The following SPTLC2 variants were observed in gnomAD, a reference collection of about 807,000 sequenced individuals.
The protein encoded by SPTLC2 is serine palmitoyltransferase long chain base subunit 2.
In SPTLC2, 21 loss-of-function variants were observed where a neutral mutation model predicts 62.0. The ratio of observed to expected loss-of-function variants is 0.34; its 90% CI spans 0.24 to 0.49. The LOEUF (loss-of-function observed/expected upper bound fraction) is 0.49. SPTLC2 is among the 20% of genes least tolerant of loss of function. SPTLC2 has a pLI of 0.99. For synonymous variants in SPTLC2, 261 were observed against 261.8 expected (o/e 1.00, Z 0.03); for missense variants, 511 against 713.0 (o/e 0.72, Z 3.23).
chr14:77,589,696 A>C (rs2079804363), intron 2 of SPTLC2, among the ~76,000 whole-genome samples: 3 of 152,104 alleles, frequency 2.0e-5, no homozygotes, highest in African/African-American at 7.2e-5. Flanking sequence ...AGACTGAGGC[A>C]GAAGAATCGC....
At chr14:77,543,362 C>G (rs1486600294) in intron 9 of SPTLC2, among the ~76,000 whole-genome samples, 1 of 151,918 alleles carries the variant, frequency 6.6e-6, no homozygotes, top group Non-Finnish European at 1.5e-5. Context: ...TGGAACATAT[C>G]ACAGGCTACT....
At chr14:77,512,546 A>G (rs758982427) in intron 11 of SPTLC2, 143 bp from the exon 12 acceptor site, 109 of 1,286,244 alleles carry the variant, frequency 8.5e-5, no homozygotes, top group South Asian at 1.0e-4. Context: ...ATCAGACTAC[A>G]ATACAGCTGT....
At chr14:77,614,777 C>G (rs1337301612) in intron 1 of SPTLC2, among the ~76,000 whole-genome samples, 1 of 151,484 alleles carries the variant, frequency 6.6e-6, no homozygotes, top group African/African-American at 2.4e-5. Flanking sequence ...TCGAGACCAA[C>G]CTGGCCAACA....
intron 9 of SPTLC2, among the ~76,000 whole-genome samples, chr14:77,537,241 C>T (rs576015014): frequency 6.6e-6 from 1 of 151,460 alleles, no homozygotes; most frequent in Non-Finnish European, 1.5e-5. Context: ...TCTTTAAAAA[C>T]CCCAAAGAAA....
chr14:77,557,061 G>C lies in SPTLC2; in HGVS notation c.936C>G (p.Ile312Met). Reference protein sequence around the residue: ...RTRRPWKKILILVEGIYSMEG... With the variant: ...RTRRPWKKILMLVEGIYSMEG... ...ATTACCTATATATTCCTTCCACAAG[G>C]ATGAGAATTTTCTTCCAGGGCCTTC... The change falls in exon 7 of 12, where the codon ATC becomes ATG. Residue 312 changes from isoleucine to methionine, a missense_variant. Coordinates refer to ENST00000216484, the MANE Select transcript of SPTLC2 (RefSeq NM_004863.4). 6.2e-7 allele frequency: 1 copy of C among 1,613,850 alleles called. No individual in the cohort carries two copies. The highest frequency in any genetic ancestry group is 8.5e-7 in the Non-Finnish European group (1 of 1,179,902).
At chr14:77,531,336 T>C (rs1165189701) in intron 9 of SPTLC2, among the ~76,000 whole-genome samples, 1 of 152,158 alleles carries the variant, frequency 6.6e-6, no homozygotes, top group Non-Finnish European at 1.5e-5. Flanking sequence ...CTATTCCATA[T>C]GCTTCTCAGG....
chr14:77,509,190 T>G lies in SPTLC2; in HGVS notation c.*3094A>C, dbSNP rs1158820904. 1 of 152,186 alleles carries G rather than the reference T, an allele frequency of 6.6e-6. No homozygotes were observed. The highest frequency in any genetic ancestry group is 6.5e-5 in the Admixed American group (1 of 15,270). The allele number at this position is 152,186 out of a possible 1,614,324, so 9.4% of individuals were successfully genotyped here. A position where few individuals can be genotyped will look rare whatever the true frequency, so the allele number is the denominator to read the frequency against. ...ATTCTTCAAACAAATAAGCAGTACT[T>G]TGGGGGTTATGGAGACTAGAAGCTT... On this transcript the variant is annotated 3_prime_UTR_variant, in exon 12 of 12. Coordinates refer to ENST00000216484, the MANE Select transcript of SPTLC2 (RefSeq NM_004863.4).
intron 1 of SPTLC2, among the ~76,000 whole-genome samples, chr14:77,607,960 G>C (rs2079913576): frequency 6.6e-6 from 1 of 152,152 alleles, no homozygotes; most frequent in Non-Finnish European, 1.5e-5. Context: ...CTTGGCATTT[G>C]AAATCAATGT....
intron 2 of SPTLC2, among the ~76,000 whole-genome samples, chr14:77,582,858 T>C (rs977451892): frequency 1.3e-5 from 2 of 152,152 alleles, no homozygotes; most frequent in African/African-American, 4.8e-5. Flanking sequence ...ACTCCTTAGC[T>C]AAGCTCCAGG....
At chr14:77,531,506 C>T (rs1594973729) in intron 9 of SPTLC2, among the ~76,000 whole-genome samples, 1 of 112,144 alleles carries the variant, frequency 8.9e-6, no homozygotes, top group Non-Finnish European at 1.8e-5. Flanking sequence ...TCCTCCTCCT[C>T]CTCTTCTTCT....
At position 77,521,454 on chromosome 14, in the gene SPTLC2, G is replaced by A; in HGVS notation, c.1431C>T (p.Ala477=). ...PVVPLMLYMP[A]KIGAFGREML... ...TCTGCAACAAAACGTACCCAATTTTGGCAGGCATGTAGAGCATCAAAGGCA... is the reference window on the plus strand; with the variant it reads ...TCTGCAACAAAACGTACCCAATTTTAGCAGGCATGTAGAGCATCAAAGGCA... The change falls in exon 10 of 12, where the codon GCC becomes GCT. Residue 477 remains alanine (A), a synonymous_variant. Coordinates refer to ENST00000216484, the MANE Select transcript of SPTLC2 (RefSeq NM_004863.4). The A allele has an allele frequency of 1.2e-6, 2 of 1,614,120 alleles. No individual in the cohort carries two copies. Among genetic ancestry groups the A allele is most frequent in the Non-Finnish European group, 1.7e-6 (2 of 1,180,010 alleles).
At chr14:77,576,202 A>G (rs924718639) in intron 4 of SPTLC2, among the ~76,000 whole-genome samples, 1 of 152,236 alleles carries the variant, frequency 6.6e-6, no homozygotes, top group Admixed American at 6.5e-5. Flanking sequence ...ATCAAATTGG[A>G]ACAATCTGAA....
intron 4 of SPTLC2, among the ~76,000 whole-genome samples, chr14:77,575,545 G>GT (rs1566785131): frequency 6.6e-6 from 1 of 152,074 alleles, no homozygotes; most frequent in Non-Finnish European, 1.5e-5. Flanking sequence ...CCTTGTTTTT[G>GT]TTTTTTGACA....
intron 1 of SPTLC2, among the ~76,000 whole-genome samples, chr14:77,611,338 C>A (rs1281589233): frequency 6.6e-6 from 1 of 150,826 alleles, no homozygotes; most frequent in Non-Finnish European, 1.5e-5. Context: ...TGGTGCACAC[C>A]TGTGGACCCA....
intron 11 of SPTLC2, among the ~76,000 whole-genome samples, chr14:77,513,622 G>A (rs752063155): frequency 6.6e-6 from 1 of 152,108 alleles, no homozygotes; most frequent in East Asian, 1.9e-4. Context: ...GGCCGGGCGC[G>A]GTGGCTCATG....
Position 77,553,729 on chromosome 14 carries a change from CA to C in SPTLC2, c.1177-1508del, listed in dbSNP as rs34500527. 6.4e-4 allele frequency among the ~76,000 whole-genome samples: 62 copies of C among 96,552 alleles called. 2 individuals carry two copies. In the East Asian group the frequency reaches 7.6e-3, roughly 12 times the overall value. 63.3% of individuals were successfully genotyped at this position (96,552 alleles called of 152,430 possible). ...CTGGCAATGGAGTAAGGCTTGGTCT[CA>C]AAAAAAAAAAAAAAAAAAAATCTAT... On this transcript the variant is annotated intron_variant, in intron 8 of 11. Coordinates refer to ENST00000216484, the MANE Select transcript of SPTLC2 (RefSeq NM_004863.4).
At chr14:77,527,277 T>C (rs138284086) in intron 9 of SPTLC2, among the ~76,000 whole-genome samples, 10,854 of 152,116 alleles carry the variant, frequency 0.071, 540 homozygotes, top group Middle Eastern at 0.11. Context: ...TTTGTATTTT[T>C]AGTAGAGACA....
chr14:77,558,544 T>C (rs1159027201), intron 6 of SPTLC2, among the ~76,000 whole-genome samples: 2 of 152,044 alleles, frequency 1.3e-5, no homozygotes, highest in Admixed American at 6.6e-5. Context: ...AAGAAAAAAA[T>C]CTGCATACGA....
At chr14:77,580,431 C>T (rs972577204) in intron 2 of SPTLC2, among the ~76,000 whole-genome samples, 8 of 146,358 alleles carry the variant, frequency 5.5e-5, no homozygotes, top group Admixed American at 1.4e-4. Flanking sequence ...TGCAGTGGGC[C>T]GTGGTCACTG....
Sources: allele counts gnomAD v4.1 joint callset (sites outside exome capture counted in the v4.1 genomes callset), GRCh38; gene constraint gnomAD v4.1.1; transcripts MANE v1.5; gene names NCBI Gene and HGNC (gene_info 2026-07-23, HGNC 2026-07-21).